Variants in NXNL2 observed in about 807,000 individuals in gnomAD.
NXNL2 encodes nucleoredoxin-like protein 2.
Under a neutral mutation model 11.1 loss-of-function variants are expected in NXNL2, and 7 were observed. The observed-to-expected ratio is 0.63, with a 90% CI of 0.36 to 1.18. The LOEUF is 1.18. Ranked by LOEUF, NXNL2 falls within the 50% of genes most tolerant of loss-of-function variation. NXNL2 has a pLI of 0.02. For synonymous variants in NXNL2, 109 were observed against 101.8 expected (o/e 1.07, Z -0.42); for missense variants, 233 against 217.7 (o/e 1.07, Z -0.44).
rs750870053 is a variant in NXNL2, at chr9:88,551,057, C to T, written c.302+15321C>T. Among the ~76,000 whole-genome samples the T allele has an allele frequency of 2.0e-5, 3 of 152,066 alleles. 1 individual carries two copies. The highest frequency in any genetic ancestry group is 4.2e-4 in the South Asian group (2 of 4,818). On this transcript the variant is annotated intron_variant, in intron 1 of 2. Transcript: ENST00000375855. ...GGGTGGCAGGCCTCCAAGAGGGGTCCCTGCTGCATCTCAAGCGTGGTCTAT... is the reference window on the plus strand; with the variant it reads ...GGGTGGCAGGCCTCCAAGAGGGGTCTCTGCTGCATCTCAAGCGTGGTCTAT...
chr9:88,545,308 G>T (rs141124063), downstream of NXNL2, among the ~76,000 whole-genome samples: 901 of 152,334 alleles, frequency 5.9e-3, 6 homozygotes, highest in Middle Eastern at 0.037. Flanking sequence ...TACTGTCCCA[G>T]CTTCCCCTGT....
intron 1 of NXNL2, among the ~76,000 whole-genome samples, chr9:88,556,935 G>C (rs1830021087): frequency 6.6e-6 from 1 of 151,934 alleles, no homozygotes; most frequent in Non-Finnish European, 1.5e-5. Context: ...AAAAAAATTA[G>C]CTGGTTGTGG....
intron 2 of NXNL2, among the ~76,000 whole-genome samples, chr9:88,572,333 A>T (rs1319457076): frequency 6.6e-6 from 1 of 151,890 alleles, no homozygotes; most frequent in Non-Finnish European, 1.5e-5. Flanking sequence ...GACAGCTCCT[A>T]GGGCTCTCCT....
intron 1 of NXNL2, among the ~76,000 whole-genome samples, chr9:88,562,638 G>A (rs1167892942): frequency 1.3e-5 from 2 of 151,644 alleles, no homozygotes; most frequent in African/African-American, 4.8e-5. Flanking sequence ...CGTAATACCA[G>A]CTACTTAGGA....
downstream of NXNL2, among the ~76,000 whole-genome samples, chr9:88,576,063 T>C (rs1385752058): frequency 6.6e-6 from 1 of 152,048 alleles, no homozygotes; most frequent in Non-Finnish European, 1.5e-5. Flanking sequence ...GGTGTGGTGG[T>C]GGGCACCTGT....
intron 1 of NXNL2, among the ~76,000 whole-genome samples, chr9:88,569,079 G>A (rs532384406): frequency 6.6e-5 from 10 of 152,060 alleles, no homozygotes; most frequent in East Asian, 1.9e-4. Flanking sequence ...GGCATGCACC[G>A]CCACACCAGG....
At chr9:88,557,197 C>T (rs1285959485) in intron 1 of NXNL2, among the ~76,000 whole-genome samples, 3 of 151,758 alleles carry the variant, frequency 2.0e-5, no homozygotes, top group Non-Finnish European at 4.4e-5. Context: ...GATTTCCATT[C>T]TTTGGAATAC....
Position 88,544,594 on chromosome 9 carries a change from A to T in NXNL2, c.*47A>T. 1.4e-6 allele frequency: 2 copies of T among 1,468,202 alleles called. No individual in the cohort carries two copies. The highest frequency in any genetic ancestry group is 2.8e-5 in the South Asian group (2 of 70,696). The allele number at this position is 1,468,202 out of a possible 1,614,324, so 90.9% of individuals were successfully genotyped here. A position where few individuals can be genotyped will look rare whatever the true frequency, so the allele number is the denominator to read the frequency against. The stretch of plus-strand genomic sequence containing the variant: ...CCAGGACAGGTGCTGCTTCTCCAGC[A>T]CCGACGCTGGGGCAAAGAGGAGCAT... On this transcript the variant is annotated 3_prime_UTR_variant, in exon 2 of 2. Transcript: ENST00000375854.
intron 2 of NXNL2, among the ~76,000 whole-genome samples, chr9:88,574,144 T>C (rs1830314143): frequency 6.6e-6 from 1 of 152,208 alleles, no homozygotes; most frequent in African/African-American, 2.4e-5. Context: ...ACTGAAAACA[T>C]ATGCCCCAGA....
intron 1 of NXNL2, among the ~76,000 whole-genome samples, chr9:88,563,794 C>T (rs1026259643): frequency 6.6e-6 from 1 of 152,154 alleles, no homozygotes; most frequent in Non-Finnish European, 1.5e-5. Flanking sequence ...TTCCCCACCT[C>T]TTTGCAGTCA....
chr9:88,574,807 C>G (rs547941758), intron 2 of NXNL2, among the ~76,000 whole-genome samples: 1 of 152,058 alleles, frequency 6.6e-6, no homozygotes, highest in Non-Finnish European at 1.5e-5. Context: ...TGGATTTTTG[C>G]GAAGACTGGA....
rs184408612 is a variant in NXNL2 at position 88,572,163 on chromosome 9, C to T, written c.*16+955C>T. 2.9e-3 allele frequency among the ~76,000 whole-genome samples: 438 copies of T among 149,382 alleles called. 1 individual carries two copies. The highest frequency in any genetic ancestry group is 3.4e-3 in the Middle Eastern group (1 of 290). The stretch of plus-strand genomic sequence containing the variant: ...GACCCCAAGTTCCGTTATAATAGCA[C>T]TAGAACCTTTAACACTTTTGTTAGT... On this transcript the variant is annotated intron_variant, in intron 2 of 2. Coordinates refer to the NXNL2 transcript ENST00000375855.
At chr9:88,541,417 C>T (rs566760840) in intron 1 of NXNL2, among the ~76,000 whole-genome samples, 24 of 152,072 alleles carry the variant, frequency 1.6e-4, no homozygotes, top group African/African-American at 5.8e-4. Flanking sequence ...CGTGCAACCA[C>T]ACCTGGTTAA....
chr9:88,549,477 T>C (rs1829897340), downstream of NXNL2, among the ~76,000 whole-genome samples: 1 of 152,146 alleles, frequency 6.6e-6, no homozygotes, highest in African/African-American at 2.4e-5. Context: ...CTCCATTCTA[T>C]ATGTACTCAC....
chr9:88,535,620 C>G lies in NXNL2; in HGVS notation c.186C>G (p.Pro62=). 1 of 1,608,800 alleles carries G rather than the reference C, an allele frequency of 6.2e-7. No individual in the cohort carries two copies. Among genetic ancestry groups the G allele is most frequent in the Non-Finnish European group, 8.5e-7 (1 of 1,179,354 alleles). The part of the protein sequence containing the change: ...YTALVAEARR[P]APFEVVFVSA... ...CGCTGGTGGCCGAGGCGCGGCGGCC[C>G]GCGCCCTTCGAAGTGGTCTTCGTGT... The change falls in exon 1 of 2, where the codon CCC becomes CCG. Residue 62 remains proline, a synonymous_variant. Coordinates refer to ENST00000375854, the MANE Select transcript of NXNL2 (RefSeq NM_001161625.2).
chr9:88,571,050 A>G (rs1476326672), intron 1 of NXNL2: 2 of 393,198 alleles, frequency 5.1e-6, no homozygotes, highest in East Asian at 1.9e-4. Flanking sequence ...GGTCCCCAAT[A>G]CTGTTTTGAT....
rs573841471 is a variant in NXNL2 at position 88,566,907 on chromosome 9, CATCT to C, written c.303-4162_303-4159del. Among the ~76,000 whole-genome samples the C allele has an allele frequency of 1.5e-3, 228 of 151,950 alleles. 1 individual carries two copies. In the South Asian group the frequency reaches 0.017, roughly 12 times the overall value. ...TCTATCTAGCCTATTATCTATCTAT[CATCT>C]ATCTATCTATCTATCTAATCTAGCT... On this transcript the variant is annotated intron_variant, in intron 1 of 2. Coordinates refer to the NXNL2 transcript ENST00000375855.
At chr9:88,562,734 A>G (rs1262561839) in intron 1 of NXNL2, among the ~76,000 whole-genome samples, 7 of 147,254 alleles carry the variant, frequency 4.8e-5, no homozygotes, top group Middle Eastern at 4.0e-3. Flanking sequence ...CCTGGGTGAC[A>G]GGGCAAGACT....
chr9:88,563,455 G>A (rs1830115254), intron 1 of NXNL2, among the ~76,000 whole-genome samples: 1 of 152,176 alleles, frequency 6.6e-6, no homozygotes, highest in Non-Finnish European at 1.5e-5. Context: ...GCTTTAGGAG[G>A]CATCTATCTC....
Sources: allele counts gnomAD v4.1 joint callset (sites outside exome capture counted in the v4.1 genomes callset), GRCh38; gene constraint gnomAD v4.1.1; transcripts MANE v1.5; gene names NCBI Gene and HGNC (gene_info 2026-07-23, HGNC 2026-07-21).